The following CARD9 variants were observed in gnomAD, a reference collection of about 807,000 sequenced individuals.
The protein encoded by CARD9 is caspase recruitment domain family member 9.
Under a neutral mutation model 66.0 loss-of-function variants are expected in CARD9, and 53 were observed. The observed-to-expected ratio is 0.80, with a 90% confidence interval of 0.64 to 1.01. The LOEUF (loss-of-function observed/expected upper bound fraction) is 1.01. CARD9 is among the 50% of genes least tolerant of loss of function. CARD9 has a pLI of 0.00. For synonymous variants in CARD9, 387 were observed against 313.8 expected, an observed-to-expected ratio of 1.23 and a Z score of -2.47; for missense variants, 769 against 743.2, an observed-to-expected ratio of 1.03 and a Z score of -0.40.
At chr9:136,366,620 G>A in intron 10 of CARD9, 180 bp downstream of exon 10, 1 of 688,566 alleles carries the variant, frequency 1.5e-6, no homozygotes, top group Non-Finnish European at 2.6e-6. Context: ...GCTGGGCTCT[G>A]TAGTTTGTTC....
rs774571551 is a variant in CARD9, at chr9:136,365,193, G to A, written c.1382C>T (p.Pro461Leu). ...GTGCAGAGCTGCAAAGGGCTGTTTC[G>A]GGCTCCCCCCGCCGGCAAGGCAGCC... ...DKGCLAGGGSPKQPFAALHQE... is the reference protein window; with the variant it reads ...DKGCLAGGGSLKQPFAALHQE... Residue 461 changes from proline to leucine, a missense_variant, in exon 11 of 13, where the codon CCG becomes CTG. Coordinates refer to ENST00000371732, the MANE Select transcript of CARD9 (RefSeq NM_052813.5). 11 of 1,610,178 alleles carry A rather than the reference G, an allele frequency of 6.8e-6. No homozygotes were observed. The African/African-American group carries it at 9.3e-5, about 14-fold the overall frequency.
In CARD9 at chr9:136,369,758, G is replaced by T; in HGVS notation, c.1069C>A (p.Arg357=). The change falls in exon 7 of 13, where the codon CGG becomes AGG. Residue 357 remains arginine, a synonymous_variant. Coordinates refer to ENST00000371732, the MANE Select transcript of CARD9 (RefSeq NM_052813.5). The stretch of plus-strand genomic sequence containing the variant: ...CCCCTGCGAGTGCCCACCTGGTCCC[G>T]CTCAATGGCGACCTCCTCCATCTGC... ...LLQMEEVAIE[R]DQAIATREEL... 3 of 1,601,086 alleles carry T rather than the reference G, an allele frequency of 1.9e-6. No individual in the cohort carries two copies. The highest frequency in any genetic ancestry group is 1.7e-6 in the Non-Finnish European group (2 of 1,174,544).
chr9:136,372,086 G>A lies in CARD9; in HGVS notation c.-8C>T, dbSNP rs1833291033. On this transcript the variant is annotated 5_prime_UTR_variant, in exon 2 of 13. Transcript: ENST00000371732. ...GTTCTCGTAGTCCGACATGGCCTCA[G>A]CAGGCAGGCTGGGGAGTGTGGGGCA... is the stretch of plus-strand genomic sequence containing the variant. The A allele has an allele frequency of 6.2e-7, 1 of 1,612,350 alleles. No individual in the cohort carries two copies. Among genetic ancestry groups the A allele is most frequent in the African/African-American group, 1.3e-5 (1 of 74,906 alleles).
rs769142671 is a variant in CARD9, at chr9:136,367,834, G to A, written c.1078-6C>T. On this transcript the variant is annotated splice_region_variant and splice_polypyrimidine_tract_variant and intron_variant, in intron 7 of 12. Transcript: ENST00000371732. ...TCCTCCCGCGTGGCTATGGCCTGACGGGACAGCACAAGGCCGACCCTCAGT... is the reference window on the plus strand; with the variant it reads ...TCCTCCCGCGTGGCTATGGCCTGACAGGACAGCACAAGGCCGACCCTCAGT... 4.4e-5 allele frequency: 71 copies of A among 1,597,106 alleles called. No homozygotes were observed. The highest frequency in any genetic ancestry group is 1.6e-4 in the Middle Eastern group (1 of 6,062).
chr9:136,370,312 G>T lies in CARD9; in HGVS notation c.933C>A (p.Gly311=). 2 of 1,605,862 alleles carry T rather than the reference G, an allele frequency of 1.2e-6. No homozygotes were observed. The highest frequency in any genetic ancestry group is 8.5e-7 in the Non-Finnish European group (1 of 1,178,986). The change falls in exon 6 of 13, where the codon GGC becomes GGA. Residue 311 remains glycine (G), a synonymous_variant. Transcript: ENST00000371732. ...IFSLRKDLRQ[G]EARRLRCMEE... ...CTCCTACCCGGAGGCGTCGGGCCTC[G>T]CCCTGGCGGAGGTCCTTGCGCAGGG...
Position 136,370,641 on chromosome 9 carries a change from GC to G in CARD9, c.687del (p.Lys229AsnfsTer4), listed in dbSNP as rs1833242211. ...KAEDDCKVERKHTLKLRHAME... is the reference protein window; with the variant it reads ...KAEDDCKVERXHTLKLRHAME... ...ATGGCGTGCCTGAGCTTCAGCGTGT[GC>G]TTGCGCTCCACCTTGCAGTCGTCCT... On this transcript the variant is annotated frameshift_variant, in exon 5 of 13. Coordinates refer to ENST00000371732, the MANE Select transcript of CARD9 (RefSeq NM_052813.5). LOFTEE classifies it high-confidence loss of function. 6.2e-7 allele frequency: 1 copy of G among 1,612,648 alleles called. No individual in the cohort carries two copies. The highest frequency in any genetic ancestry group is 1.3e-5 in the African/African-American group (1 of 74,946).
At chr9:136,364,616 C>G in intron 11 of CARD9, 57 bp from the exon 12 acceptor site, 1 of 1,493,944 alleles carries the variant, frequency 6.7e-7, no homozygotes, top group Admixed American at 2.0e-5. Context: ...ACCCGTCCTT[C>G]TCACCCGCCC....
Position 136,370,514 on chromosome 9 carries a change from G to A in CARD9, c.807+8C>T, listed in dbSNP as rs372934669. On this transcript the variant is annotated splice_region_variant and intron_variant, in intron 5 of 12. Coordinates refer to ENST00000371732, the MANE Select transcript of CARD9 (RefSeq NM_052813.5). ...CCTGGGCTGCACCTGCCCTGCCTACGGCCCCACCTGGACGGAGGCCTCCAG... is the reference window on the plus strand; with the variant it reads ...CCTGGGCTGCACCTGCCCTGCCTACAGCCCCACCTGGACGGAGGCCTCCAG... The A allele has an allele frequency of 2.1e-5, 34 of 1,599,914 alleles. No homozygotes were observed. The highest frequency in any genetic ancestry group is 1.5e-4 in the African/African-American group (11 of 74,630).
In CARD9 at chr9:136,364,237, G is replaced by A. The variant is rs953780294; in HGVS notation, c.*65C>T. ...GGGAAGTCTGCGCCCCAGGGCGTCG[G>A]CACCCCCGGGTGGCAGGAGGCCGGG... On this transcript the variant is annotated 3_prime_UTR_variant, in exon 13 of 13. Coordinates refer to ENST00000371732, the MANE Select transcript of CARD9 (RefSeq NM_052813.5). The A allele has an allele frequency of 8.4e-6, 13 of 1,550,298 alleles. No homozygotes were observed. Among genetic ancestry groups the A allele is most frequent in the Non-Finnish European group, 1.0e-5 (12 of 1,146,696 alleles).
chr9:136,365,191 T>G lies in CARD9; in HGVS notation c.1384A>C (p.Lys462Gln). Residue 462 changes from lysine (K) to glutamine (Q), a missense_variant, in exon 11 of 13, where the codon AAA (lysine) becomes CAA (glutamine). Transcript: ENST00000371732. Reference sequence around the variant, plus strand: ...TGGTGCAGAGCTGCAAAGGGCTGTTTCGGGCTCCCCCCGCCGGCAAGGCAG... The same window carrying G: ...TGGTGCAGAGCTGCAAAGGGCTGTTGCGGGCTCCCCCCGCCGGCAAGGCAG... ...KGCLAGGGSPKQPFAALHQEQ... is the reference protein window; with the variant it reads ...KGCLAGGGSPQQPFAALHQEQ... The G allele has an allele frequency of 1.2e-6, 2 of 1,610,596 alleles. No homozygotes were observed. Among genetic ancestry groups the G allele is most frequent in the Non-Finnish European group, 1.7e-6 (2 of 1,179,836 alleles).
chr9:136,370,605 G>GC lies in CARD9; in HGVS notation c.723dup (p.Pro242AlafsTer93), dbSNP rs1269921617. ...AGCTCCCACAGCAGCTCCTGGCTGG[G>GC]CCGCTGCTCCATGGCGTGCCTGAGC... On this transcript the variant is annotated frameshift_variant, in exon 5 of 13. Coordinates refer to ENST00000371732, the MANE Select transcript of CARD9 (RefSeq NM_052813.5). LOFTEE classifies it high-confidence loss of function. 25 of 1,612,504 alleles carry GC rather than the reference G, an allele frequency of 1.6e-5. No individual in the cohort carries two copies. Among genetic ancestry groups the GC allele is most frequent in the Non-Finnish European group, 2.0e-5 (24 of 1,179,896 alleles).
Position 136,370,954 on chromosome 9 carries a change from T to C in CARD9, c.514A>G (p.Ser172Gly), listed in dbSNP as rs895657922. The C allele has an allele frequency of 2.5e-6, 4 of 1,611,374 alleles. No individual in the cohort carries two copies. Among genetic ancestry groups the C allele is most frequent in the Non-Finnish European group, 2.5e-6 (3 of 1,179,396 alleles). ...TCCTTGCAGCGCTTGAGCTCGCGGCTGCCGGCCTCGCACTCCTCCTTGAGC... is the reference window on the plus strand; with the variant it reads ...TCCTTGCAGCGCTTGAGCTCGCGGCCGCCGGCCTCGCACTCCTCCTTGAGC... ...QRLKEECEAG[S>G]RELKRCKEEN... Residue 172 changes from serine to glycine, a missense_variant, in exon 4 of 13, where the codon AGC (serine) becomes GGC (glycine). Physicochemically the swap from Ser to Gly is moderately conservative, Grantham distance 56 (BLOSUM62 0). Transcript: ENST00000371732.
intron 1 of CARD9, among the ~76,000 whole-genome samples, chr9:136,372,800 C>T (rs186328018): frequency 1.3e-5 from 2 of 152,364 alleles, no homozygotes; most frequent in Non-Finnish European, 2.9e-5. Context: ...CTGTCACCCC[C>T]TGCCGGCCCC....
At chr9:136,366,154 AAC>A (rs896138886) in intron 10 of CARD9, 1 of 155,022 alleles carries the variant, frequency 6.5e-6, no homozygotes, top group African/African-American at 2.4e-5. Context: ...CTTCAGTGCA[AAC>A]ACCTACCTCA....
Position 136,366,753 on chromosome 9 carries a change from T to C in CARD9, c.1357+47A>G, listed in dbSNP as rs368714154. The C allele has an allele frequency of 4.2e-5, 68 of 1,605,136 alleles. No individual in the cohort carries two copies. In the South Asian group the frequency reaches 6.0e-4, roughly 14 times the overall value. ...TGCCTGTGCTGAAGATGGGCCTCACTTGGGGAAGCTGGGAGGCCTCTGGGT... is the reference window on the plus strand; with the variant it reads ...TGCCTGTGCTGAAGATGGGCCTCACCTGGGGAAGCTGGGAGGCCTCTGGGT... On this transcript the variant is annotated intron_variant, in intron 10 of 12. Transcript: ENST00000371732.
chr9:136,367,285 G>C (rs1833146674), intron 8 of CARD9, 28 bp from the exon 9 acceptor site: 3 of 1,611,090 alleles, frequency 1.9e-6, no homozygotes, highest in Non-Finnish European at 2.5e-6. Context: ...GGGGTGGGTG[G>C]GCTGTGAGGG....
chr9:136,364,111 A>G lies in CARD9; in HGVS notation c.*191T>C. 1 of 1,550,546 alleles carries G rather than the reference A, an allele frequency of 6.4e-7. No individual in the cohort carries two copies. Among genetic ancestry groups the G allele is most frequent in the Non-Finnish European group, 8.7e-7 (1 of 1,146,884 alleles). ...TGGTGAGCACCCGCATGGCCTCCGC[A>G]AAATGAGTGCCGCTTAACAAACGGC... On this transcript the variant is annotated 3_prime_UTR_variant, in exon 13 of 13. Transcript: ENST00000371732.
At chr9:136,371,769 G>C in intron 2 of CARD9, 126 bp downstream of exon 2, 4 of 1,457,606 alleles carry the variant, frequency 2.7e-6, no homozygotes, top group South Asian at 2.7e-5. Context: ...GCCTCAGTCA[G>C]AGGCCAGGGG....
At chr9:136,366,759 A>G in intron 10 of CARD9, 41 bp downstream of exon 10, 1 of 1,608,600 alleles carries the variant, frequency 6.2e-7, no homozygotes, top group Non-Finnish European at 8.5e-7. Context: ...TCACTTGGGG[A>G]AGCTGGGAGG....
Sources: gnomAD v4.1 joint callset for allele counts (sites outside exome capture counted in the v4.1 genomes callset) on GRCh38, gnomAD v4.1.1 for gene constraint, MANE v1.5 for transcripts, NCBI Gene and HGNC (gene_info 2026-07-23, HGNC 2026-07-21) for gene names.